Variants in SGMS1 observed in about 807,000 individuals in gnomAD.
The protein encoded by SGMS1 is sphingomyelin synthase 1, also known as phosphatidylcholine:ceramide cholinephosphotransferase 1.
A neutral mutation model predicts 46.2 loss-of-function variants in SGMS1; 13 were observed. The observed-to-expected ratio is 0.28, with a 90% CI of 0.18 to 0.45. SGMS1 has a LOEUF of 0.45. SGMS1 is among the 20% of genes least tolerant of loss of function. SGMS1 has a pLI of 1.00. For missense variants in SGMS1, 324 were observed against 519.9 expected, an observed-to-expected ratio of 0.62 and a Z score of 3.66; for synonymous variants, 203 against 187.8, an observed-to-expected ratio of 1.08 and a Z score of -0.66.
chr10:50,573,697 C>G (rs1838355443), intron 2 of SGMS1, among the ~76,000 whole-genome samples: 1 of 151,858 alleles, frequency 6.6e-6, no homozygotes, highest in African/African-American at 2.4e-5. Flanking sequence ...ACAAAAGGCC[C>G]CAAATAGTCA....
At chr10:50,501,468 G>A (rs556821808) in intron 3 of SGMS1, among the ~76,000 whole-genome samples, 5 of 152,208 alleles carry the variant, frequency 3.3e-5, no homozygotes, top group African/African-American at 7.2e-5. Context: ...GGTGAAATAC[G>A]TTTGATTTTT....
At chr10:50,468,941 C>T (rs1281265783) in intron 3 of SGMS1, among the ~76,000 whole-genome samples, 1 of 152,292 alleles carries the variant, frequency 6.6e-6, no homozygotes, top group Admixed American at 6.5e-5. Flanking sequence ...TATGCCTTTA[C>T]ACTTAACCCC....
At chr10:50,357,818 C>T (rs1053820828) in intron 6 of SGMS1, among the ~76,000 whole-genome samples, 1 of 152,108 alleles carries the variant, frequency 6.6e-6, no homozygotes, top group African/African-American at 2.4e-5. Context: ...ATGAAGGACT[C>T]AAGATTGAAC....
At chr10:50,545,609 T>C (rs935904497) in intron 2 of SGMS1, among the ~76,000 whole-genome samples, 2 of 152,080 alleles carry the variant, frequency 1.3e-5, no homozygotes, top group African/African-American at 2.4e-5. Flanking sequence ...CTAATTTTTG[T>C]AGTTTTTTAG....
At chr10:50,471,175 C>T (rs1837375528) in intron 3 of SGMS1, among the ~76,000 whole-genome samples, 2 of 152,154 alleles carry the variant, frequency 1.3e-5, no homozygotes, top group South Asian at 4.1e-4. Context: ...TAAGCATGAC[C>T]TCAAAACAAA....
intron 8 of SGMS1, among the ~76,000 whole-genome samples, chr10:50,320,889 C>T (rs1210891177): frequency 2.0e-5 from 3 of 152,210 alleles, no homozygotes; most frequent in African/African-American, 7.2e-5. Flanking sequence ...GCAAATGGCT[C>T]TGCAAATCTA....
intron 6 of SGMS1, among the ~76,000 whole-genome samples, chr10:50,349,090 G>A (rs969234625): frequency 5.9e-5 from 9 of 152,214 alleles, no homozygotes; most frequent in Admixed American, 2.6e-4. Context: ...AAAGGAACTC[G>A]AATATTGCAA....
At chr10:50,567,727 A>G (rs2860490) in intron 2 of SGMS1, among the ~76,000 whole-genome samples, 126,800 of 152,138 alleles carry the variant, frequency 0.83, 52,972 homozygotes, top group East Asian at 1. Context: ...TAGACACATC[A>G]CAAAGTGAGC....
chr10:50,407,949 T>C (rs763840980), intron 6 of SGMS1, among the ~76,000 whole-genome samples: 6 of 152,144 alleles, frequency 3.9e-5, no homozygotes, highest in Non-Finnish European at 5.9e-5. Flanking sequence ...TATCAAAAAA[T>C]TCATTTAAAA....
intron 1 of SGMS1, among the ~76,000 whole-genome samples, chr10:50,621,603 A>T (rs538101232): frequency 1.3e-5 from 2 of 152,244 alleles, no homozygotes; most frequent in African/African-American, 4.8e-5. Context: ...AAATCTTCCA[A>T]TGAGTAAGAT....
At chr10:50,589,116 G>A (rs549880254) in intron 2 of SGMS1, among the ~76,000 whole-genome samples, 8 of 152,104 alleles carry the variant, frequency 5.3e-5, no homozygotes, top group African/African-American at 1.2e-4. Flanking sequence ...CAGCCATGGC[G>A]GGGATGGGTA....
At chr10:50,379,846 A>C (rs890172286) in intron 6 of SGMS1, among the ~76,000 whole-genome samples, 2 of 152,144 alleles carry the variant, frequency 1.3e-5, no homozygotes, top group Non-Finnish European at 2.9e-5. Context: ...ACCTGCCCCA[A>C]ACTTCCTGGC....
intron 6 of SGMS1, among the ~76,000 whole-genome samples, chr10:50,374,106 C>T (rs1226802193): frequency 1.3e-5 from 2 of 152,118 alleles, no homozygotes; most frequent in Admixed American, 6.5e-5. Flanking sequence ...CAGGCCAGCA[C>T]TAAGCAGCTA....
intron 5 of SGMS1, among the ~76,000 whole-genome samples, chr10:50,455,360 C>T (rs1386542684): frequency 1.3e-5 from 2 of 152,116 alleles, no homozygotes; most frequent in Non-Finnish European, 2.9e-5. Context: ...ATTTTCTCTC[C>T]AGTTTTCACC....
At chr10:50,379,667 G>A (rs1589415418) in intron 6 of SGMS1, among the ~76,000 whole-genome samples, 1 of 151,986 alleles carries the variant, frequency 6.6e-6, no homozygotes, top group South Asian at 2.1e-4. Context: ...AAGAAGAAGG[G>A]TTTCCTAAGA....
chr10:50,449,158 T>C (rs1258498106), intron 5 of SGMS1, among the ~76,000 whole-genome samples: 1 of 152,138 alleles, frequency 6.6e-6, no homozygotes, highest in Non-Finnish European at 1.5e-5. Context: ...TTTCTTAAAC[T>C]TAAGAGCTCT....
At chr10:50,399,649 A>G (rs1039034454) in intron 6 of SGMS1, among the ~76,000 whole-genome samples, 1 of 152,202 alleles carries the variant, frequency 6.6e-6, no homozygotes, top group South Asian at 2.1e-4. Flanking sequence ...CTGCATCTAT[A>G]TTTGGGAAGA....
intron 6 of SGMS1, among the ~76,000 whole-genome samples, chr10:50,382,633 A>G (rs1848624059): frequency 6.6e-6 from 1 of 151,426 alleles, no homozygotes; most frequent in South Asian, 2.1e-4. Context: ...AAACACACAC[A>G]CACAAACATT....
intron 6 of SGMS1, among the ~76,000 whole-genome samples, chr10:50,395,445 C>T (rs1848835923): frequency 6.6e-6 from 1 of 152,164 alleles, no homozygotes; most frequent in Admixed American, 6.5e-5. Context: ...TTAGTATTAG[C>T]CAACCTAAGC....
Sources: allele counts gnomAD v4.1 joint callset (sites outside exome capture counted in the v4.1 genomes callset), GRCh38; gene constraint gnomAD v4.1.1; transcripts MANE v1.5; gene names NCBI Gene and HGNC (gene_info 2026-07-23, HGNC 2026-07-21).